Variants in ATP1A4 observed in about 807,000 individuals in gnomAD.
ATP1A4 encodes ATPase Na+/K+ transporting subunit alpha 4.
In ATP1A4, 90 loss-of-function variants were observed where a neutral mutation model predicts 114.3. The observed-to-expected ratio is 0.79, with a 90% CI of 0.66 to 0.94. ATP1A4 has a LOEUF of 0.94. Ranked by LOEUF, ATP1A4 falls within the 40% of genes least tolerant of loss-of-function variation. The pLI, the probability that ATP1A4 is intolerant of heterozygous loss-of-function variation, is 0.00. For synonymous variants in ATP1A4, 511 were observed against 494.1 expected (o/e 1.03, Z -0.45); for missense variants, 1,222 against 1,313.6 (o/e 0.93, Z 1.08).
At chr1:160,156,507 C>G (rs940270184) in intron 4 of ATP1A4, among the ~76,000 whole-genome samples, 1 of 151,950 alleles carries the variant, frequency 6.6e-6, no homozygotes, top group African/African-American at 2.4e-5. Context: ...CTTCAAATAT[C>G]GATGACCTCA....
intron 18 of ATP1A4, among the ~76,000 whole-genome samples, chr1:160,178,048 G>A (rs973734084): frequency 3.3e-5 from 5 of 151,950 alleles, no homozygotes; most frequent in Non-Finnish European, 5.9e-5. Context: ...CTCCATGAGA[G>A]TTCAAATGAT....
At chr1:160,156,364 C>T (rs955373180) in intron 4 of ATP1A4, among the ~76,000 whole-genome samples, 17 of 151,432 alleles carry the variant, frequency 1.1e-4, no homozygotes, top group African/African-American at 3.9e-4. Context: ...CTATGAAGTG[C>T]TCTGATCTAG....
chr1:160,166,967 G>A lies in ATP1A4; in HGVS notation c.1247-1G>A. 7 of 1,613,962 alleles carry A rather than the reference G, an allele frequency of 4.3e-6. No homozygotes were observed. Among genetic ancestry groups the A allele is most frequent in the Non-Finnish European group, 5.1e-6 (6 of 1,179,866 alleles). Reference sequence around the variant, plus strand: ...ACAATTCTTCTTTTCTTTCTCCCTAGGAAAAACATTTACCAAGAGCTCTGA... The same window carrying A: ...ACAATTCTTCTTTTCTTTCTCCCTAAGAAAAACATTTACCAAGAGCTCTGA... On this transcript the variant is annotated splice_acceptor_variant, in intron 8 of 21. Transcript: ENST00000368081. LOFTEE classifies it high-confidence loss of function.
At chr1:160,161,639 G>A (rs953104) in intron 6 of ATP1A4, among the ~76,000 whole-genome samples, 126,802 of 152,146 alleles carry the variant, frequency 0.83, 53,109 homozygotes, top group East Asian at 1. Context: ...CCTCCACCCG[G>A]CCCAAAATAG....
chr1:160,155,302 C>G (rs570667578), intron 3 of ATP1A4, 54 bp downstream of exon 3: 10 of 1,491,862 alleles, frequency 6.7e-6, no homozygotes, highest in Admixed American at 5.6e-5. Flanking sequence ...GCCCCAGACA[C>G]TCTTTTGCTC....
At chr1:160,169,386 G>A (rs968036869) in intron 10 of ATP1A4, among the ~76,000 whole-genome samples, 6 of 152,304 alleles carry the variant, frequency 3.9e-5, no homozygotes, top group Admixed American at 3.3e-4. Context: ...GAGATTACTA[G>A]TAGGTCTTGC....
At chr1:160,152,232 A>G (rs1418190018) in intron 1 of ATP1A4, 45 bp downstream of exon 1, 3 of 1,589,582 alleles carry the variant, frequency 1.9e-6, no homozygotes, top group Non-Finnish European at 2.6e-6. Flanking sequence ...CTCTGAAAAC[A>G]CTCCTCCACC....
In ATP1A4 at chr1:160,176,150, C is replaced by G. The variant is rs145783326; in HGVS notation, c.2370C>G (p.Ile790Met). 1.2e-6 allele frequency: 2 copies of G among 1,614,144 alleles called. No homozygotes were observed. The highest frequency in any genetic ancestry group is 1.7e-6 in the Non-Finnish European group (2 of 1,180,016). ...TCATGTACACCCTGACCAGCAACAT[C>G]CCCGAGATCACGCCCTTCCTGATGT... The part of the protein sequence containing the change: ...KSIMYTLTSN[I>M]PEITPFLMFI... The change falls in exon 16 of 22, where the codon ATC (isoleucine) becomes ATG (methionine). Residue 790 changes from isoleucine to methionine, a missense_variant. Physicochemically the swap from Ile to Met is conservative, Grantham distance 10. Coordinates refer to ENST00000368081, the MANE Select transcript of ATP1A4 (RefSeq NM_144699.4).
Position 160,176,588 on chromosome 1 carries a change from C to T in ATP1A4, c.2576C>T (p.Ala859Val), listed in dbSNP as rs773173259. The change falls in exon 17 of 22, where the codon GCC (alanine) becomes GTC (valine). Residue 859 changes from alanine (A) to valine (V), a missense_variant. Transcript: ENST00000368081. The part of the protein sequence containing the change: ...NLVNHRLIGM[A>V]YGQIGMIQAL... ...GTGAACCACCGTCTCATTGGCATGG[C>T]CTATGGACAGATTGGTGCGCCCAGA... 1.3e-5 allele frequency: 21 copies of T among 1,613,944 alleles called. No homozygotes were observed. The highest frequency in any genetic ancestry group is 1.1e-5 in the Non-Finnish European group (13 of 1,180,026).
Position 160,176,465 on chromosome 1 carries a change from C to T in ATP1A4, c.2467-14C>T. ...ACTTTGTGACCCCTGTCATCCCCAC[C>T]CTCCATCCTCCAGGTCCCTGCCATC... is the stretch of plus-strand genomic sequence containing the variant. On this transcript the variant is annotated splice_polypyrimidine_tract_variant and intron_variant, in intron 16 of 21. Transcript: ENST00000368081. The T allele has an allele frequency of 6.2e-7, 1 of 1,614,108 alleles. No individual in the cohort carries two copies. Among genetic ancestry groups the T allele is most frequent in the Non-Finnish European group, 8.5e-7 (1 of 1,179,986 alleles).
chr1:160,184,454 G>A (rs2101661167), intron 20 of ATP1A4, among the ~76,000 whole-genome samples: 1 of 152,240 alleles, frequency 6.6e-6, no homozygotes, highest in East Asian at 1.9e-4. Flanking sequence ...GGCTGAGGCA[G>A]TAGGATTGCT....
Position 160,164,276 on chromosome 1 carries a change from T to C in ATP1A4, c.899T>C (p.Ile300Thr). The C allele has an allele frequency of 6.2e-7, 1 of 1,614,198 alleles. No individual in the cohort carries two copies. The highest frequency in any genetic ancestry group is 2.2e-5 in the East Asian group (1 of 44,886). The change falls in exon 7 of 22, where the codon ATC (isoleucine) becomes ACC (threonine). Residue 300 changes from isoleucine (I) to threonine (T), a missense_variant. Ile to Thr is a moderately conservative substitution (Grantham distance 89). Coordinates refer to ENST00000368081, the MANE Select transcript of ATP1A4 (RefSeq NM_144699.4). ...ATCGCTGCTGAGATCGAACACTTCA[T>C]CCATCTGATCACTGTGGTGGCCGTC... ...TPIAAEIEHF[I>T]HLITVVAVFL...
chr1:160,163,144 C>G (rs1027028511), intron 6 of ATP1A4, among the ~76,000 whole-genome samples: 3 of 152,080 alleles, frequency 2.0e-5, no homozygotes, highest in Non-Finnish European at 4.4e-5. Context: ...CTTGGGTGAC[C>G]ATCTCTGATG....
At chr1:160,184,317 G>A (rs1237057303) in intron 20 of ATP1A4, among the ~76,000 whole-genome samples, 2 of 152,056 alleles carry the variant, frequency 1.3e-5, no homozygotes, top group South Asian at 2.1e-4. Context: ...AGGCCAAGGT[G>A]GGGGGATCGC....
At position 160,158,848 on chromosome 1, in the gene ATP1A4, C is replaced by T. The variant is rs781357890; in HGVS notation, c.526-154C>T. Among the ~76,000 whole-genome samples the T allele has an allele frequency of 7.7e-4, 117 of 151,926 alleles. 1 individual carries two copies. The highest frequency in any genetic ancestry group is 3.3e-4 in the Admixed American group (5 of 15,264). On this transcript the variant is annotated intron_variant, in intron 4 of 21. Coordinates refer to ENST00000368081, the MANE Select transcript of ATP1A4 (RefSeq NM_144699.4). ...CTGCAAACAGCATCATGGGAATTTG[C>T]AATCTGCCAAAGACACCTTCAAGAA... is the stretch of plus-strand genomic sequence containing the variant.
Position 160,177,643 on chromosome 1 carries a change from G to C in ATP1A4, c.2715G>C (p.Glu905Asp). 1 of 1,614,170 alleles carries C rather than the reference G, an allele frequency of 6.2e-7. No homozygotes were observed. Among genetic ancestry groups the C allele is most frequent in the South Asian group, 1.1e-5 (1 of 91,068 alleles). ...AAGATAAATACTTGAATGACCTGGA[G>C]GACAGCTACGGACAGCAGTGGGTGA... ...HWEDKYLNDL[E>D]DSYGQQWTYE... Residue 905 changes from glutamate (E) to aspartate (D), a missense_variant, in exon 18 of 22, where the codon GAG becomes GAC. Physicochemically the swap from Glu to Asp is conservative, Grantham distance 45 (BLOSUM62 2). Coordinates refer to ENST00000368081, the MANE Select transcript of ATP1A4 (RefSeq NM_144699.4).
At chr1:160,158,554 A>G (rs1276518550) in intron 4 of ATP1A4, among the ~76,000 whole-genome samples, 1 of 151,070 alleles carries the variant, frequency 6.6e-6, no homozygotes, top group Non-Finnish European at 1.5e-5. Flanking sequence ...TTTTTTTTTC[A>G]ATTTTTGTAG....
rs919475096 is a variant in ATP1A4 at position 160,171,265 on chromosome 1, T to C, written c.1506T>C (p.Leu502=). The change falls in exon 11 of 22, where the codon CTT becomes CTC. Residue 502 remains leucine (L), a synonymous_variant. Coordinates refer to ENST00000368081, the MANE Select transcript of ATP1A4 (RefSeq NM_144699.4). ...STNKYQMSIH[L]REDSSQTHVL... ...GCTCTCCCTAGATGTCCATCCACCTTCGGGAGGACAGCTCCCAGACCCACG... is the reference window on the plus strand; with the variant it reads ...GCTCTCCCTAGATGTCCATCCACCTCCGGGAGGACAGCTCCCAGACCCACG... 1 of 1,613,536 alleles carries C rather than the reference T, an allele frequency of 6.2e-7. No individual in the cohort carries two copies. The highest frequency in any genetic ancestry group is 1.3e-5 in the African/African-American group (1 of 74,884).
rs747988527 is a variant in ATP1A4, at chr1:160,181,743, C to T, written c.2796C>T (p.Ile932=). 1.2e-6 allele frequency: 2 copies of T among 1,614,024 alleles called. No homozygotes were observed. Among genetic ancestry groups the T allele is most frequent in the Non-Finnish European group, 8.5e-7 (1 of 1,180,004 alleles). ...FTCQTAFFVT[I]VVVQWADLII... ...GCCAAACGGCCTTTTTTGTCACCAT[C>T]GTGGTTGTGCAGTGGGCGGATCTCA... Residue 932 remains isoleucine (I), a synonymous_variant, in exon 19 of 22, where the codon ATC becomes ATT. Transcript: ENST00000368081.
Sources: allele counts gnomAD v4.1 joint callset (sites outside exome capture counted in the v4.1 genomes callset), GRCh38; gene constraint gnomAD v4.1.1; transcripts MANE v1.5; gene names NCBI Gene and HGNC (gene_info 2026-07-23, HGNC 2026-07-21).